Variants in CCDC13 observed in about 807,000 individuals in gnomAD.
CCDC13 encodes coiled-coil domain containing 13, also known as coiled-coil domain-containing protein 13.
A neutral mutation model predicts 87.3 loss-of-function variants in CCDC13; 70 were observed. The ratio of observed to expected loss-of-function variants is 0.80; its 90% confidence interval spans 0.66 to 0.98. CCDC13 has a LOEUF of 0.98. Among genes scored for constraint, CCDC13 ranks in the 50% least tolerant of loss-of-function variants. The probability of loss-of-function intolerance (pLI) is 0.00; values close to 1 mark genes in which losing one functional copy is unlikely to be tolerated. For synonymous variants in CCDC13, 317 were observed against 360.3 expected, an observed-to-expected ratio of 0.88 and a Z score of 1.36; for missense variants, 842 against 892.0, an observed-to-expected ratio of 0.94 and a Z score of 0.71.
chr3:42,769,208 G>A (rs997811778), intron 1 of CCDC13, among the ~76,000 whole-genome samples: 2 of 152,094 alleles, frequency 1.3e-5, no homozygotes, highest in African/African-American at 4.8e-5. Flanking sequence ...AAATATGGAT[G>A]GCAAATAGAC....
chr3:42,770,950 T>A (rs1420036227), intron 1 of CCDC13: 4 of 152,238 alleles, frequency 2.6e-5, no homozygotes, highest in African/African-American at 9.7e-5. Context: ...AGAACTGTAA[T>A]AACACTCACC....
chr3:42,712,609 C>T (rs1385913007), intron 14 of CCDC13, among the ~76,000 whole-genome samples: 2 of 152,198 alleles, frequency 1.3e-5, no homozygotes, highest in Non-Finnish European at 1.5e-5. Flanking sequence ...TCCCTTCTCC[C>T]CTTCCTGCTG....
chr3:42,757,158 T>G lies in CCDC13; in HGVS notation c.278A>C (p.Glu93Ala). Residue 93 changes from glutamate (E) to alanine (A), a missense_variant, in exon 3 of 16, where the codon GAG becomes GCG. Transcript: ENST00000310232. Reference protein sequence around the residue: ...LRNELRETVDENGRLYKLLKE... With the variant: ...LRNELRETVDANGRLYKLLKE... ...CAGCAGCTTATACAATCGCCCGTTC[T>G]CGTCCACCGTTTCCCTGAGCTCATT... The G allele has an allele frequency of 6.2e-7, 1 of 1,614,236 alleles. No homozygotes were observed. Among genetic ancestry groups the G allele is most frequent in the Non-Finnish European group, 8.5e-7 (1 of 1,180,044 alleles).
intron 12 of CCDC13, among the ~76,000 whole-genome samples, chr3:42,731,914 T>TG (rs1323923782): frequency 2.0e-5 from 3 of 152,168 alleles, no homozygotes; most frequent in African/African-American, 7.2e-5. Context: ...ACCAGCAGTC[T>TG]GGGCAGCCAA....
chr3:42,757,060 A>C lies in CCDC13; in HGVS notation c.370+6T>G. 1 of 1,613,016 alleles carries C rather than the reference A, an allele frequency of 6.2e-7. No homozygotes were observed. Among genetic ancestry groups the C allele is most frequent in the Non-Finnish European group, 8.5e-7 (1 of 1,179,328 alleles). The stretch of plus-strand genomic sequence containing the variant: ...GCAAGGACTATCACAACAATGGTGG[A>C]GCTACCTGTGAAGGCAAATCTGTCC... On this transcript the variant is annotated splice_donor_region_variant and intron_variant, in intron 3 of 15. Transcript: ENST00000310232.
intron 4 of CCDC13, 145 bp downstream of exon 4, chr3:42,752,427 TGCA>T: frequency 1.1e-6 from 1 of 938,832 alleles, no homozygotes; most frequent in Non-Finnish European, 1.6e-6. Context: ...GGATTTAAAA[TGCA>T]GCACCACCAT....
intron 3 of CCDC13, among the ~76,000 whole-genome samples, 165 bp downstream of exon 3, chr3:42,756,901 C>A (rs1333918083): frequency 6.6e-6 from 1 of 152,082 alleles, no homozygotes; most frequent in South Asian, 2.1e-4. Context: ...TGGGGCTGCT[C>A]TTTTCCTCTA....
chr3:42,711,353 G>T lies in CCDC13; in HGVS notation c.1874-1555C>A, dbSNP rs537226987. ...CTGAAAAGGCCCTCAGAGGTGGTGT[G>T]ACCCACAGTAAATTACTTGGTATCA... On this transcript the variant is annotated intron_variant, in intron 14 of 15. Coordinates refer to ENST00000310232, the MANE Select transcript of CCDC13 (RefSeq NM_144719.4). Among the ~76,000 whole-genome samples the T allele has an allele frequency of 2.6e-5, 4 of 152,220 alleles. No homozygotes were observed. In the South Asian group the frequency reaches 8.3e-4, roughly 32 times the overall value.
chr3:42,739,232 C>G (rs576558732), intron 9 of CCDC13, among the ~76,000 whole-genome samples: 34 of 152,290 alleles, frequency 2.2e-4, no homozygotes, highest in Middle Eastern at 3.4e-3. Flanking sequence ...AGGGACTAAG[C>G]ATTATAACAT....
chr3:42,724,524 C>A (rs1267805570), intron 13 of CCDC13, among the ~76,000 whole-genome samples: 1 of 152,174 alleles, frequency 6.6e-6, no homozygotes, highest in Non-Finnish European at 1.5e-5. Context: ...CTCTTTTGAC[C>A]AATCTCTGGT....
In CCDC13 at chr3:42,753,357, C is replaced by T. The variant is rs569430393; in HGVS notation, c.371-640G>A. 5.3e-5 allele frequency among the ~76,000 whole-genome samples: 8 copies of T among 152,310 alleles called. No homozygotes were observed. In the South Asian group the frequency reaches 1.2e-3, roughly 24 times the overall value. ...CCCAGATGTTTAAGCTAAATAAATGCTTACTGCTGCTGAGATTATGTGGTT... is the reference window on the plus strand; with the variant it reads ...CCCAGATGTTTAAGCTAAATAAATGTTTACTGCTGCTGAGATTATGTGGTT... On this transcript the variant is annotated intron_variant, in intron 3 of 15. Transcript: ENST00000310232.
chr3:42,729,392 A>G (rs771374943), intron 13 of CCDC13, among the ~76,000 whole-genome samples: 2 of 152,148 alleles, frequency 1.3e-5, no homozygotes, highest in African/African-American at 2.4e-5. Context: ...AAAGCTGACC[A>G]CTCACTATTT....
chr3:42,708,819 G>T lies in CCDC13; in HGVS notation c.*161C>A. The T allele has an allele frequency of 1.4e-6, 1 of 689,706 alleles. No homozygotes were observed. The highest frequency in any genetic ancestry group is 3.0e-5 in the Admixed American group (1 of 33,716). The allele number at this position is 689,706 out of a possible 1,614,324, so 42.7% of individuals were successfully genotyped here. On this transcript the variant is annotated 3_prime_UTR_variant, in exon 16 of 16. Coordinates refer to ENST00000310232, the MANE Select transcript of CCDC13 (RefSeq NM_144719.4). ...CTTCTCTTCTGCCTTCCTGGCCTGAGACATTGGTTTTGGTCATCCTTAAGG... is the reference window on the plus strand; with the variant it reads ...CTTCTCTTCTGCCTTCCTGGCCTGATACATTGGTTTTGGTCATCCTTAAGG...
intron 13 of CCDC13, among the ~76,000 whole-genome samples, chr3:42,727,525 C>T (rs1015504757): frequency 6.6e-6 from 1 of 151,984 alleles, no homozygotes; most frequent in African/African-American, 2.4e-5. Context: ...CAAGAAGTAA[C>T]AGTGAGTGAA....
Position 42,748,588 on chromosome 3 carries a change from C to T in CCDC13, c.604-1215G>A, listed in dbSNP as rs573647289. ...AAGACAGATCCAAGTATACTGGGTC[C>T]GGGAAGTTCCATGGACCCCAGAGGC... On this transcript the variant is annotated intron_variant, in intron 5 of 15. Transcript: ENST00000310232. Among the ~76,000 whole-genome samples, 57 of 152,290 alleles carry T rather than the reference C, an allele frequency of 3.7e-4. No individual in the cohort carries two copies. The South Asian group carries it at 8.3e-3, about 22-fold the overall frequency.
intron 3 of CCDC13, 143 bp from the exon 4 acceptor site, chr3:42,752,860 C>G: frequency 4.3e-6 from 4 of 924,886 alleles, no homozygotes; most frequent in South Asian, 1.7e-5. Context: ...TTAGGAGGGT[C>G]ACCATATACC....
At chr3:42,714,784 G>C (rs182948934) in intron 13 of CCDC13, among the ~76,000 whole-genome samples, 2 of 152,342 alleles carry the variant, frequency 1.3e-5, no homozygotes, top group East Asian at 3.9e-4. Flanking sequence ...AAGCTGTATA[G>C]TAACACAGTA....
chr3:42,765,285 G>A (rs1207571254), intron 1 of CCDC13, among the ~76,000 whole-genome samples: 1 of 152,222 alleles, frequency 6.6e-6, no homozygotes, highest in Non-Finnish European at 1.5e-5. Flanking sequence ...AGTAATGCCT[G>A]CACTGAGAGG....
At chr3:42,737,238 T>C (rs570296708) in intron 9 of CCDC13, among the ~76,000 whole-genome samples, 56 of 152,324 alleles carry the variant, frequency 3.7e-4, no homozygotes, top group African/African-American at 1.3e-3. Flanking sequence ...GCAAAGGACA[T>C]GAACTCATCC....
Sources: gnomAD v4.1 joint callset for allele counts (sites outside exome capture counted in the v4.1 genomes callset) on GRCh38, gnomAD v4.1.1 for gene constraint, MANE v1.5 for transcripts, NCBI Gene and HGNC (gene_info 2026-07-23, HGNC 2026-07-21) for gene names.